NAALADL2: variants seen among roughly 807,000 people sequenced by gnomAD.
NAALADL2 encodes N-acetylated alpha-linked acidic dipeptidase like 2.
A neutral mutation model predicts 87.2 loss-of-function variants in NAALADL2; 76 were observed. The ratio of observed to expected loss-of-function variants is 0.87; its 90% confidence interval spans 0.72 to 1.05. The LOEUF (loss-of-function observed/expected upper bound fraction) is 1.05. Ranked by LOEUF, NAALADL2 falls within the 50% of genes least tolerant of loss-of-function variation. The probability of loss-of-function intolerance (pLI) is 0.00; values close to 1 mark genes in which losing one functional copy is unlikely to be tolerated. For missense variants in NAALADL2, 1,089 were observed against 945.8 expected, an observed-to-expected ratio of 1.15 and a Z score of -1.99; for synonymous variants, 354 against 331.0, an observed-to-expected ratio of 1.07 and a Z score of -0.75.
In NAALADL2 at chr3:175,160,965, A is replaced by G. The variant is rs370445331; in HGVS notation, c.545+63674A>G. ...TTAAGAAAATGATTATAATAAAACA[A>G]AATGTATCTTGGAATTCCTATTTCG... On this transcript the variant is annotated intron_variant, in intron 2 of 13. Coordinates refer to ENST00000454872, the MANE Select transcript of NAALADL2 (RefSeq NM_207015.3). 6.6e-4 allele frequency among the ~76,000 whole-genome samples: 100 copies of G among 152,298 alleles called. 1 individual carries two copies. Among genetic ancestry groups the G allele is most frequent in the African/African-American group, 7.5e-4 (31 of 41,574 alleles).
chr3:175,806,501 TAATTGACATTTCTAAATA>T lies in NAALADL2; in HGVS notation c.*3305_*3322del, dbSNP rs1047571289. The T allele has an allele frequency of 6.6e-6, 1 of 151,834 alleles. No individual in the cohort carries two copies. The highest frequency in any genetic ancestry group is 1.5e-5 in the Non-Finnish European group (1 of 67,876). 9.4% of individuals were successfully genotyped at this position (151,834 alleles called of 1,614,324 possible). A position where few individuals can be genotyped will look rare whatever the true frequency, so the allele number is the denominator to read the frequency against. On this transcript the variant is annotated 3_prime_UTR_variant, in exon 14 of 14. Coordinates refer to ENST00000454872, the MANE Select transcript of NAALADL2 (RefSeq NM_207015.3). ...TTAATCGTAGTTTCCAAGAAAACAC[TAATTGACATTTCTAAATA>T]AATTGAAGAGTCATAATAACAAGAA...
At chr3:175,633,612 C>T (rs533530006) in intron 11 of NAALADL2, among the ~76,000 whole-genome samples, 1 of 151,950 alleles carries the variant, frequency 6.6e-6, no homozygotes, top group East Asian at 1.9e-4. Flanking sequence ...AATGGTACAT[C>T]TAATGAAACA....
chr3:174,568,905 C>T (rs545542049), intron 2 of NAALADL2, among the ~76,000 whole-genome samples: 2 of 151,032 alleles, frequency 1.3e-5, no homozygotes, highest in African/African-American at 4.8e-5. Flanking sequence ...CTGAATTTAT[C>T]TTAATACAGA....
chr3:174,898,039 G>A (rs1731794535), intron 1 of NAALADL2, among the ~76,000 whole-genome samples: 1 of 130,230 alleles, frequency 7.7e-6, no homozygotes, highest in Non-Finnish European at 1.5e-5. Context: ...CGTGAACCCG[G>A]GAGGCGGAGC....
chr3:175,465,389 C>T lies in NAALADL2; in HGVS notation c.1328-1590C>T, dbSNP rs993631941. Among the ~76,000 whole-genome samples the T allele has an allele frequency of 2.8e-4, 43 of 150,936 alleles. 3 individuals are homozygous for T. Among genetic ancestry groups the T allele is most frequent in the Admixed American group, 1.3e-3 (19 of 15,126 alleles). On this transcript the variant is annotated intron_variant, in intron 7 of 13. Transcript: ENST00000454872. ...ACAATTCCAAGCAAAACTTTTGAGA[C>T]ATTTATGGGAGATAAGTGAATAAAT...
intron 2 of NAALADL2, among the ~76,000 whole-genome samples, chr3:174,675,369 C>T (rs896598710): frequency 1.3e-5 from 2 of 151,950 alleles, no homozygotes; most frequent in Admixed American, 6.6e-5. Flanking sequence ...TATGAAACAA[C>T]TGGTGAAGAG....
chr3:175,677,133 G>C (rs575389266), intron 11 of NAALADL2, among the ~76,000 whole-genome samples: 1 of 152,102 alleles, frequency 6.6e-6, no homozygotes, highest in Non-Finnish European at 1.5e-5. Flanking sequence ...GGGAGGCTGA[G>C]GTGGGCAGAT....
intron 5 of NAALADL2, among the ~76,000 whole-genome samples, chr3:175,417,134 G>C (rs1328792737): frequency 1.0e-5 from 1 of 99,366 alleles, no homozygotes; most frequent in Non-Finnish European, 2.3e-5. Context: ...AAAAAAAAAA[G>C]TCCAGCCAGG....
chr3:175,367,831 A>G (rs936416287), intron 5 of NAALADL2, among the ~76,000 whole-genome samples: 8 of 152,062 alleles, frequency 5.3e-5, no homozygotes, highest in African/African-American at 1.9e-4. Flanking sequence ...TCTTTTCCTA[A>G]CTGAATACCC....
chr3:175,281,670 AT>A (rs572812900), intron 4 of NAALADL2, among the ~76,000 whole-genome samples: 12 of 151,886 alleles, frequency 7.9e-5, no homozygotes, highest in African/African-American at 2.4e-4. Context: ...ATGCGATTAA[AT>A]TTTTTTCTAG....
chr3:175,326,385 A>G (rs1274658190), intron 5 of NAALADL2, among the ~76,000 whole-genome samples: 1 of 152,060 alleles, frequency 6.6e-6, no homozygotes, highest in Non-Finnish European at 1.5e-5. Flanking sequence ...TAAATACCTC[A>G]CCAGAATTGC....
chr3:175,011,914 T>C (rs879412186), intron 1 of NAALADL2, among the ~76,000 whole-genome samples: 2 of 152,154 alleles, frequency 1.3e-5, no homozygotes, highest in Non-Finnish European at 2.9e-5. Flanking sequence ...GGGAAACATG[T>C]TAAAGCATGC....
chr3:174,441,437 C>G (rs1714610845), intron 1 of NAALADL2, among the ~76,000 whole-genome samples: 1 of 152,156 alleles, frequency 6.6e-6, no homozygotes, highest in African/African-American at 2.4e-5. Flanking sequence ...GCACGCCGGC[C>G]AGGCAGCCCG....
At chr3:175,258,392 G>A (rs73881451) in intron 4 of NAALADL2, among the ~76,000 whole-genome samples, 7,041 of 150,826 alleles carry the variant, frequency 0.047, 323 homozygotes, top group Admixed American at 0.12. Context: ...TTCAGATCCC[G>A]TCTTGAATGT....
intron 2 of NAALADL2, among the ~76,000 whole-genome samples, chr3:174,722,476 G>A (rs929186391): frequency 6.6e-6 from 1 of 152,204 alleles, no homozygotes; most frequent in African/African-American, 2.4e-5. Flanking sequence ...GCCAAGGCAG[G>A]TGGATCACGT....
intron 2 of NAALADL2, among the ~76,000 whole-genome samples, chr3:175,231,924 T>C (rs1370777953): frequency 6.6e-6 from 1 of 151,868 alleles, no homozygotes; most frequent in Non-Finnish European, 1.5e-5. Context: ...GAGAATGCAA[T>C]AGCAATGGAG....
At chr3:175,439,673 C>CT (rs1468485697) in intron 5 of NAALADL2, among the ~76,000 whole-genome samples, 1 of 140,586 alleles carries the variant, frequency 7.1e-6, no homozygotes. Flanking sequence ...TGTTAGCCTA[C>CT]TTTTTGATGG....
intron 2 of NAALADL2, among the ~76,000 whole-genome samples, chr3:175,157,682 A>G (rs1423612385): frequency 6.6e-6 from 1 of 152,080 alleles, no homozygotes; most frequent in Admixed American, 6.6e-5. Context: ...CTGAAAATGA[A>G]GAGAAACAAG....
intron 5 of NAALADL2, among the ~76,000 whole-genome samples, chr3:175,420,050 T>C (rs965131096): frequency 1.3e-5 from 2 of 151,974 alleles, no homozygotes; most frequent in South Asian, 2.1e-4. Context: ...ATGCAAAATA[T>C]AGACATTGAC....
Sources: gnomAD v4.1 joint callset for allele counts (sites outside exome capture counted in the v4.1 genomes callset) on GRCh38, gnomAD v4.1.1 for gene constraint, MANE v1.5 for transcripts, NCBI Gene and HGNC (gene_info 2026-07-23, HGNC 2026-07-21) for gene names.